Variants in RCAN2 observed in about 807,000 individuals in gnomAD.
RCAN2 encodes the protein calcipressin-2.
In RCAN2, 9 loss-of-function variants were observed where a neutral mutation model predicts 23.6. The ratio of observed to expected loss-of-function variants is 0.38; its 90% CI spans 0.23 to 0.67. The LOEUF (loss-of-function observed/expected upper bound fraction) is 0.67, where lower values mean the gene tolerates loss of function less well. RCAN2 is among the 30% of genes least tolerant of loss of function. The probability of loss-of-function intolerance (pLI) is 0.51; values close to 1 mark genes in which losing one functional copy is unlikely to be tolerated. For missense variants in RCAN2, 273 were observed against 302.3 expected (o/e 0.90, Z 0.72); for synonymous variants, 109 against 115.7 (o/e 0.94, Z 0.37).
Position 46,221,350 on chromosome 6 carries a change from G to A in RCAN2, c.*1791C>T, listed in dbSNP as rs3799893. On this transcript the variant is annotated 3_prime_UTR_variant, in exon 5 of 5. Coordinates refer to ENST00000371374, the MANE Select transcript of RCAN2 (RefSeq NM_001251974.2). ...CTGCAGTGCTCTGCATCTGAATAGC[G>A]GAGCCTACTATTTCTTCCACTAGAG... is the stretch of plus-strand genomic sequence containing the variant. 133 of 152,500 alleles carry A rather than the reference G, an allele frequency of 8.7e-4. No individual in the cohort carries two copies. Among genetic ancestry groups the A allele is most frequent in the African/African-American group, 3.1e-3 (129 of 41,444 alleles). The allele number at this position is 152,500 out of a possible 1,614,324, so 9.4% of individuals were successfully genotyped here. A position where few individuals can be genotyped will look rare whatever the true frequency, so the allele number is the denominator to read the frequency against.
At chr6:46,490,129 T>G (rs1769098884) in intron 1 of RCAN2, among the ~76,000 whole-genome samples, 1 of 152,186 alleles carries the variant, frequency 6.6e-6, no homozygotes, top group Admixed American at 6.5e-5. Flanking sequence ...GAAACTTGAG[T>G]TGCACTGTTA....
intron 2 of RCAN2, among the ~76,000 whole-genome samples, chr6:46,288,334 G>A (rs942448932): frequency 2.6e-5 from 4 of 152,198 alleles, no homozygotes; most frequent in Non-Finnish European, 5.9e-5. Context: ...TCTCATGCGG[G>A]ATCCTTCCCG....
intron 2 of RCAN2, among the ~76,000 whole-genome samples, chr6:46,428,216 C>T (rs1270042848): frequency 6.6e-6 from 1 of 152,148 alleles, no homozygotes; most frequent in Admixed American, 6.5e-5. Flanking sequence ...GGGTACCAGC[C>T]AATGAGAGGT....
chr6:46,472,793 C>A (rs770574646), intron 1 of RCAN2, among the ~76,000 whole-genome samples: 6 of 152,116 alleles, frequency 3.9e-5, no homozygotes, highest in Non-Finnish European at 8.8e-5. Context: ...ACATATAAGT[C>A]TTGAAAGAAG....
intron 2 of RCAN2, among the ~76,000 whole-genome samples, chr6:46,446,497 G>T (rs1320464964): frequency 5.3e-5 from 8 of 152,116 alleles, no homozygotes; most frequent in Non-Finnish European, 1.2e-4. Flanking sequence ...TAGTAATACA[G>T]TCAAGCATAG....
intron 2 of RCAN2, among the ~76,000 whole-genome samples, chr6:46,443,869 T>A (rs1334219830): frequency 6.6e-6 from 1 of 152,214 alleles, no homozygotes; most frequent in African/African-American, 2.4e-5. Context: ...TCAGACACAG[T>A]GATGCACAGT....
At chr6:46,447,955 A>C (rs932395451) in intron 2 of RCAN2, among the ~76,000 whole-genome samples, 1 of 151,792 alleles carries the variant, frequency 6.6e-6, no homozygotes, top group African/African-American at 2.4e-5. Context: ...AGAACAAACT[A>C]AGCCCAAAGT....
chr6:46,346,445 T>C (rs1764483820), intron 2 of RCAN2, among the ~76,000 whole-genome samples: 1 of 152,150 alleles, frequency 6.6e-6, no homozygotes, highest in African/African-American at 2.4e-5. Context: ...TGGAAATCTC[T>C]TCAAATAAAT....
chr6:46,295,254 T>C (rs946764417), intron 2 of RCAN2, among the ~76,000 whole-genome samples: 104 of 152,204 alleles, frequency 6.8e-4, no homozygotes, highest in African/African-American at 2.4e-3. Flanking sequence ...CATTTACAGA[T>C]CTTGGCCTCA....
intron 1 of RCAN2, among the ~76,000 whole-genome samples, chr6:46,461,510 C>T (rs746213872): frequency 4.6e-5 from 7 of 151,990 alleles, no homozygotes; most frequent in Non-Finnish European, 8.8e-5. Context: ...CTGGAAAGAG[C>T]CCTAAGGGAA....
chr6:46,281,913 T>C (rs190840339), intron 2 of RCAN2, among the ~76,000 whole-genome samples: 40 of 152,270 alleles, frequency 2.6e-4, no homozygotes, highest in Non-Finnish European at 4.7e-4. Flanking sequence ...AAGTAGCAGT[T>C]TTTCTCTAGC....
Position 46,363,017 on chromosome 6 carries a change from G to A in RCAN2, c.225+93735C>T, listed in dbSNP as rs572230531. 7.7e-4 allele frequency among the ~76,000 whole-genome samples: 117 copies of A among 152,156 alleles called. 1 individual carries two copies. The highest frequency in any genetic ancestry group is 2.6e-3 in the African/African-American group (110 of 41,516). ...CAGGAAGTTGGACTCCTACTTAGTG[G>A]CATGCACTAAGAATTATGCCTTTTG... On this transcript the variant is annotated intron_variant, in intron 2 of 4. Coordinates refer to ENST00000371374, the MANE Select transcript of RCAN2 (RefSeq NM_001251974.2).
chr6:46,487,875 A>C (rs1273734788), intron 1 of RCAN2, among the ~76,000 whole-genome samples: 1 of 152,164 alleles, frequency 6.6e-6, no homozygotes, highest in African/African-American at 2.4e-5. Context: ...CCTTAACCCA[A>C]ACCAATGGTT....
intron 1 of RCAN2, among the ~76,000 whole-genome samples, chr6:46,459,340 G>A (rs913765512): frequency 3.9e-5 from 6 of 152,236 alleles, no homozygotes; most frequent in Non-Finnish European, 7.4e-5. Flanking sequence ...ACTCTTAGAT[G>A]TGTTGTAAGA....
At chr6:46,417,893 G>A (rs1161639064) in intron 2 of RCAN2, among the ~76,000 whole-genome samples, 1 of 152,176 alleles carries the variant, frequency 6.6e-6, no homozygotes, top group Non-Finnish European at 1.5e-5. Context: ...GAAGCTATTA[G>A]ATCTATTTCA....
At position 46,286,441 on chromosome 6, in the gene RCAN2, A is replaced by G. The variant is rs75525624; in HGVS notation, c.226-37545T>C. ...GCATCTCTTCTCATTCCCTAAAAGTAAGGATATAAAATTTCCCACAAATGT... is the reference window on the plus strand; with the variant it reads ...GCATCTCTTCTCATTCCCTAAAAGTGAGGATATAAAATTTCCCACAAATGT... On this transcript the variant is annotated intron_variant, in intron 2 of 4. Transcript: ENST00000371374. Among the ~76,000 whole-genome samples the G allele has an allele frequency of 2.0e-3, 305 of 152,302 alleles. 3 individuals are homozygous for G. The highest frequency in any genetic ancestry group is 7.2e-3 in the African/African-American group (299 of 41,560).
chr6:46,306,300 GC>G (rs1356033114), intron 2 of RCAN2, among the ~76,000 whole-genome samples: 1 of 152,028 alleles, frequency 6.6e-6, no homozygotes, highest in Non-Finnish European at 1.5e-5. Flanking sequence ...AAGAATTCCA[GC>G]CCAACCATAA....
Position 46,397,266 on chromosome 6 carries a change from G to A in RCAN2, c.225+59486C>T, listed in dbSNP as rs563989027. ...TTCCAGGGGAGTGGTAACTACAAAG[G>A]GGGGTACCATAGGGGAGTTCCCACG... On this transcript the variant is annotated intron_variant, in intron 2 of 4. Transcript: ENST00000371374. 4.3e-4 allele frequency among the ~76,000 whole-genome samples: 65 copies of A among 152,086 alleles called. 2 individuals are homozygous for A. Among genetic ancestry groups the A allele is most frequent in the Admixed American group, 1.5e-3 (23 of 15,280 alleles).
chr6:46,361,849 T>C (rs1012532808), intron 2 of RCAN2, among the ~76,000 whole-genome samples: 1 of 152,212 alleles, frequency 6.6e-6, no homozygotes, highest in Non-Finnish European at 1.5e-5. Flanking sequence ...AGTTTGCAGT[T>C]AATCCCATGG....
Sources: gnomAD v4.1 joint callset for allele counts (sites outside exome capture counted in the v4.1 genomes callset) on GRCh38, gnomAD v4.1.1 for gene constraint, MANE v1.5 for transcripts, NCBI Gene and HGNC (gene_info 2026-07-23, HGNC 2026-07-21) for gene names.